The following IKZF2 variants were observed in gnomAD, a reference collection of about 807,000 sequenced individuals.
IKZF2 encodes IKAROS family zinc finger 2.
In IKZF2, 15 loss-of-function variants were observed where a neutral mutation model predicts 49.2. The ratio of observed to expected loss-of-function variants is 0.30; its 90% CI spans 0.20 to 0.47. The LOEUF (loss-of-function observed/expected upper bound fraction) is 0.47. Ranked by LOEUF, IKZF2 falls within the 20% of genes least tolerant of loss-of-function variation. The pLI, the probability that IKZF2 is intolerant of heterozygous loss-of-function variation, is 1.00. For synonymous variants in IKZF2, 227 were observed against 221.4 expected (o/e 1.03, Z -0.23); for missense variants, 567 against 664.6 (o/e 0.85, Z 1.61).
chr2:213,125,979 GC>G (rs1034237141), intron 4 of IKZF2, among the ~76,000 whole-genome samples: 39 of 152,182 alleles, frequency 2.6e-4, no homozygotes, highest in African/African-American at 9.2e-4. Flanking sequence ...GGAATTGGTA[GC>G]ACAGGAAACT....
chr2:213,138,484 AT>A (rs895508505), intron 4 of IKZF2, among the ~76,000 whole-genome samples: 21 of 152,004 alleles, frequency 1.4e-4, no homozygotes, highest in Non-Finnish European at 2.7e-4. Flanking sequence ...AAGTTTCCAA[AT>A]TTTTTCAAGT....
At position 213,019,746 on chromosome 2, in the gene IKZF2, C is replaced by T. The variant is rs140445048; in HGVS notation, c.712+2247G>A. ...TGCCCCTACCCCTTTCCCACTTTCC[C>T]CCACTTGGTTCCAGCTTCAGCACCA... On this transcript the variant is annotated intron_variant, in intron 7 of 8. Transcript: ENST00000434687. 2.6e-3 allele frequency among the ~76,000 whole-genome samples: 389 copies of T among 152,278 alleles called. 2 individuals carry two copies. Among genetic ancestry groups the T allele is most frequent in the Admixed American group, 4.9e-3 (75 of 15,280 alleles).
chr2:213,011,269 T>C (rs6722801), intron 8 of IKZF2, among the ~76,000 whole-genome samples: 6,641 of 152,130 alleles, frequency 0.044, 462 homozygotes, highest in African/African-American at 0.15. Context: ...CAGGTGTACC[T>C]GGAAGGAGAT....
At chr2:213,103,191 C>T (rs1197577756) in intron 4 of IKZF2, among the ~76,000 whole-genome samples, 1 of 152,090 alleles carries the variant, frequency 6.6e-6, no homozygotes, top group African/African-American at 2.4e-5. Context: ...TACAAGGTCA[C>T]TCAGTCAGTA....
At chr2:213,139,938 A>C (rs1024240347) in intron 4 of IKZF2, among the ~76,000 whole-genome samples, 3 of 152,014 alleles carry the variant, frequency 2.0e-5, no homozygotes, top group African/African-American at 7.2e-5. Context: ...AAATGCAATA[A>C]GCAGTATTAC....
At chr2:213,061,298 A>G (rs1701658161) in intron 4 of IKZF2, among the ~76,000 whole-genome samples, 1 of 151,512 alleles carries the variant, frequency 6.6e-6, no homozygotes, top group South Asian at 2.1e-4. Flanking sequence ...TAATTCACTA[A>G]TATGATAATA....
At chr2:213,084,851 T>C (rs537997032) in intron 4 of IKZF2, among the ~76,000 whole-genome samples, 2 of 152,352 alleles carry the variant, frequency 1.3e-5, no homozygotes, top group East Asian at 1.9e-4. Flanking sequence ...GCATTGGATG[T>C]CCTCATTTGT....
intron 4 of IKZF2, among the ~76,000 whole-genome samples, chr2:213,108,628 GA>G (rs1455317570): frequency 6.6e-6 from 1 of 151,966 alleles, no homozygotes; most frequent in Admixed American, 6.6e-5. Context: ...TACTCTTCTG[GA>G]ATAAAATTCC....
At chr2:213,095,608 C>T (rs1195894518) in intron 4 of IKZF2, among the ~76,000 whole-genome samples, 1 of 151,966 alleles carries the variant, frequency 6.6e-6, no homozygotes, top group East Asian at 1.9e-4. Context: ...ATACCATAAA[C>T]ATTTTAAAGA....
Position 213,027,978 on chromosome 2 carries a change from A to T in IKZF2, c.575-5848T>A, listed in dbSNP as rs540487228. Among the ~76,000 whole-genome samples the T allele has an allele frequency of 9.9e-5, 15 of 152,246 alleles. No individual in the cohort carries two copies. In the South Asian group the frequency reaches 3.1e-3, roughly 32 times the overall value. On this transcript the variant is annotated intron_variant, in intron 6 of 8. Transcript: ENST00000434687. ...TTCACATATTGCAGAATATTTACAT[A>T]TATACAGATAAAACAAATAAATATG... is the stretch of plus-strand genomic sequence containing the variant.
chr2:213,012,614 C>T (rs1224894978), intron 8 of IKZF2, among the ~76,000 whole-genome samples: 2 of 151,846 alleles, frequency 1.3e-5, no homozygotes, highest in African/African-American at 4.8e-5. Context: ...AAACTATGGC[C>T]CTTATAGTCA....
intron 4 of IKZF2, among the ~76,000 whole-genome samples, chr2:213,081,916 A>G (rs570616989): frequency 9.8e-5 from 15 of 152,310 alleles, no homozygotes; most frequent in East Asian, 3.9e-4. Context: ...AGGATATTCA[A>G]TTGTAAAGGT....
At position 213,058,998 on chromosome 2, in the gene IKZF2, T is replaced by G. The variant is rs16849612; in HGVS notation, c.140-1899A>C. Among the ~76,000 whole-genome samples the G allele has an allele frequency of 6.9e-3, 1,053 of 151,972 alleles. 11 individuals are homozygous for G. The highest frequency in any genetic ancestry group is 0.034 in the Middle Eastern group (10 of 294). The stretch of plus-strand genomic sequence containing the variant: ...TTCATCCAGTTAATCATTGGAAATT[T>G]GAAATTATTTCTTGTTTCTTGCTAT... On this transcript the variant is annotated intron_variant, in intron 4 of 8. Transcript: ENST00000434687.
intron 6 of IKZF2, among the ~76,000 whole-genome samples, chr2:213,023,226 A>G (rs1164154674): frequency 6.6e-6 from 1 of 152,210 alleles, no homozygotes; most frequent in Non-Finnish European, 1.5e-5. Flanking sequence ...AACTCCAGTT[A>G]ACTTATAAAC....
At chr2:213,096,331 G>A (rs1705989314) in intron 4 of IKZF2, among the ~76,000 whole-genome samples, 1 of 151,854 alleles carries the variant, frequency 6.6e-6, no homozygotes, top group Non-Finnish European at 1.5e-5. Context: ...GATTATGAAA[G>A]TAACAATGCC....
At chr2:213,058,287 A>T (rs1459263602) in intron 4 of IKZF2, among the ~76,000 whole-genome samples, 2 of 152,080 alleles carry the variant, frequency 1.3e-5, no homozygotes, top group African/African-American at 4.8e-5. Context: ...CAAAGTACAG[A>T]TGAACTCAGA....
chr2:213,132,164 G>A (rs1372340896), intron 4 of IKZF2, among the ~76,000 whole-genome samples: 4 of 151,986 alleles, frequency 2.6e-5, no homozygotes, highest in Non-Finnish European at 5.9e-5. Context: ...AGTCGGTTAG[G>A]TGCTAAAAGT....
chr2:213,091,850 A>G (rs1705367305), intron 4 of IKZF2, among the ~76,000 whole-genome samples: 1 of 151,370 alleles, frequency 6.6e-6, no homozygotes, highest in Non-Finnish European at 1.5e-5. Context: ...CTTCCCTTAC[A>G]TTTTCCAATC....
chr2:213,104,764 C>A (rs1040653151), intron 4 of IKZF2, among the ~76,000 whole-genome samples: 1 of 152,290 alleles, frequency 6.6e-6, no homozygotes, highest in Non-Finnish European at 1.5e-5. Flanking sequence ...CCTGCATTTT[C>A]TTTTGCATTT....
Sources: allele counts gnomAD v4.1 joint callset (sites outside exome capture counted in the v4.1 genomes callset), GRCh38; gene constraint gnomAD v4.1.1; transcripts MANE v1.5; gene names NCBI Gene and HGNC (gene_info 2026-07-23, HGNC 2026-07-21).